GAS7: variants seen among roughly 807,000 people sequenced by gnomAD.
GAS7 encodes the protein growth arrest specific 7, also known as growth arrest-specific protein 7.
GAS7 carries 28 observed loss-of-function variants against 71.1 expected under a neutral mutation model. The ratio of observed to expected loss-of-function variants is 0.39; its 90% CI spans 0.29 to 0.54. The LOEUF is 0.54. Ranked by LOEUF, GAS7 falls within the 20% of genes least tolerant of loss-of-function variation. The pLI is 0.62. For missense variants in GAS7, 436 were observed against 627.8 expected (o/e 0.69, Z 3.27); for synonymous variants, 258 against 245.8 (o/e 1.05, Z -0.46).
intron 7 of GAS7, 93 bp from the exon 8 acceptor site, chr17:9,940,293 AC>A: frequency 1.2e-6 from 1 of 863,122 alleles, no homozygotes; most frequent in Non-Finnish European, 2.0e-6. Context: ...GTGGAAAGGA[AC>A]CCACTAGACC....
At chr17:10,137,969 T>C (rs772190028) in intron 1 of GAS7, among the ~76,000 whole-genome samples, 9 of 152,006 alleles carry the variant, frequency 5.9e-5, no homozygotes, top group Admixed American at 3.3e-4. Context: ...AGGTTTTTTT[T>C]TTCTTTTTTT....
At chr17:9,995,523 T>A (rs915962616) in intron 2 of GAS7, among the ~76,000 whole-genome samples, 2 of 121,976 alleles carry the variant, frequency 1.6e-5, no homozygotes, top group Non-Finnish European at 3.4e-5. Context: ...GAAAAAACAA[T>A]TGCAAATGAT....
intron 1 of GAS7, among the ~76,000 whole-genome samples, chr17:10,161,346 T>C (rs1345306802): frequency 1.3e-5 from 2 of 152,210 alleles, no homozygotes; most frequent in African/African-American, 4.8e-5. Flanking sequence ...GGCCTGGTTC[T>C]AACCAAACTC....
At chr17:10,002,635 C>T (rs1397168045) in intron 2 of GAS7, among the ~76,000 whole-genome samples, 1 of 152,066 alleles carries the variant, frequency 6.6e-6, no homozygotes, top group African/African-American at 2.4e-5. Context: ...TGTTCAATTC[C>T]CACCTATGAG....
At chr17:10,104,918 T>A (rs560236507) in intron 1 of GAS7, among the ~76,000 whole-genome samples, 6 of 152,336 alleles carry the variant, frequency 3.9e-5, no homozygotes, top group African/African-American at 1.2e-4. Flanking sequence ...CATCAAATTA[T>A]GTCAGCCTTG....
At chr17:10,116,768 G>A (rs1339549110) in intron 1 of GAS7, among the ~76,000 whole-genome samples, 1 of 152,142 alleles carries the variant, frequency 6.6e-6, no homozygotes, top group African/African-American at 2.4e-5. Flanking sequence ...GGATACATCA[G>A]TTAACAAGAC....
chr17:9,949,797 C>G (rs904158063), intron 5 of GAS7, among the ~76,000 whole-genome samples: 1 of 149,766 alleles, frequency 6.7e-6, no homozygotes. Context: ...CTCCTCCTCT[C>G]CTCCCCTCCC....
intron 1 of GAS7, among the ~76,000 whole-genome samples, chr17:10,072,048 C>G (rs560924820): frequency 6.6e-6 from 1 of 152,120 alleles, no homozygotes; most frequent in Non-Finnish European, 1.5e-5. Flanking sequence ...AATGCTGCCA[C>G]GTTCTCCACC....
chr17:10,137,210 G>A, intron 1 of GAS7, among the ~76,000 whole-genome samples: 1 of 152,028 alleles, frequency 6.6e-6, no homozygotes, highest in South Asian at 2.1e-4. Flanking sequence ...CATTCCTCAG[G>A]GTCTTTGCAC....
intron 9 of GAS7, among the ~76,000 whole-genome samples, chr17:9,927,392 C>A (rs907248632): frequency 5.3e-5 from 8 of 150,508 alleles, no homozygotes; most frequent in African/African-American, 2.0e-4. Context: ...GAGGCTGAGG[C>A]AGGAAATCAC....
At chr17:10,099,189 G>A (rs76962112) in intron 1 of GAS7, among the ~76,000 whole-genome samples, 4,726 of 152,160 alleles carry the variant, frequency 0.031, 230 homozygotes, top group African/African-American at 0.11. Context: ...GAAAATGCAT[G>A]GAGAGGTGGA....
At chr17:10,192,811 C>CT (rs1201396475) in intron 1 of GAS7, among the ~76,000 whole-genome samples, 3 of 152,116 alleles carry the variant, frequency 2.0e-5, no homozygotes, top group African/African-American at 7.2e-5. Flanking sequence ...ACACCAGGAG[C>CT]TACAAATACT....
At chr17:10,174,389 A>G (rs2074356274) in intron 1 of GAS7, among the ~76,000 whole-genome samples, 1 of 152,172 alleles carries the variant, frequency 6.6e-6, no homozygotes, top group Non-Finnish European at 1.5e-5. Flanking sequence ...GCAGAAAACC[A>G]GCTATTTTAA....
At chr17:9,939,030 T>C (rs1326667701) in intron 8 of GAS7, among the ~76,000 whole-genome samples, 1 of 152,228 alleles carries the variant, frequency 6.6e-6, no homozygotes, top group Non-Finnish European at 1.5e-5. Context: ...CATTTGTTTA[T>C]CCAGTCATCC....
At chr17:10,041,158 T>TAAAAA (rs563870890) in intron 1 of GAS7, among the ~76,000 whole-genome samples, 1 of 116,778 alleles carries the variant, frequency 8.6e-6, no homozygotes, top group South Asian at 2.9e-4. Context: ...CAAGACTGCC[T>TAAAAA]AAAAAAAAAA....
At chr17:10,146,581 A>G (rs1597818801) in intron 1 of GAS7, among the ~76,000 whole-genome samples, 2 of 152,120 alleles carry the variant, frequency 1.3e-5, no homozygotes, top group African/African-American at 4.8e-5. Context: ...CCCAGCAATC[A>G]GGGTTTAAAC....
In GAS7 at chr17:9,981,973, G is replaced by A; in HGVS notation, c.305-89C>T. Reference sequence around the variant, plus strand: ...AGAGCAGAAGGAGATGCTCAGAGCTGGAGAAAAAGAGAGACAGCCAATCGC... The same window carrying A: ...AGAGCAGAAGGAGATGCTCAGAGCTAGAGAAAAAGAGAGACAGCCAATCGC... On this transcript the variant is annotated intron_variant, in intron 2 of 13. Transcript: ENST00000432992. The surrounding 1 kb of genome is among the most constrained non-coding windows in gnomAD (Gnocchi z 4.4). 1 of 777,742 alleles carries A rather than the reference G, an allele frequency of 1.3e-6. No individual in the cohort carries two copies. The highest frequency in any genetic ancestry group is 1.5e-5 in the South Asian group (1 of 67,806). The allele number at this position is 777,742 out of a possible 1,614,324, so 48.2% of individuals were successfully genotyped here. A position where few individuals can be genotyped will look rare whatever the true frequency, so the allele number is the denominator to read the frequency against.
rs370234135 is a variant in GAS7 at position 9,921,825 on chromosome 17, G to A, written c.1139-2120C>T. ...ATATAAAAAATTAGCCAGGCGTGGT[G>A]GCAGGCGCCTGTAGTCCCAGCTACT... On this transcript the variant is annotated intron_variant, in intron 11 of 13. Coordinates refer to ENST00000432992, the MANE Select transcript of GAS7 (RefSeq NM_201433.2). 2.2e-3 allele frequency among the ~76,000 whole-genome samples: 334 copies of A among 152,180 alleles called. 1 individual carries two copies. The highest frequency in any genetic ancestry group is 7.7e-3 in the African/African-American group (321 of 41,530).
chr17:10,075,105 C>T (rs1212485286), intron 1 of GAS7, among the ~76,000 whole-genome samples: 2 of 152,056 alleles, frequency 1.3e-5, no homozygotes, highest in African/African-American at 2.4e-5. Context: ...CACCTGTAAT[C>T]CCAGCACTTT....
Sources: allele counts gnomAD v4.1 joint callset (sites outside exome capture counted in the v4.1 genomes callset), GRCh38; gene constraint gnomAD v4.1.1; non-coding constraint Gnocchi (gnomAD v3.1); transcripts MANE v1.5; gene names NCBI Gene and HGNC (gene_info 2026-07-23, HGNC 2026-07-21).